The following C1QTNF6 variants were observed in gnomAD, a reference collection of about 807,000 sequenced individuals.
C1QTNF6 encodes complement C1q tumor necrosis factor-related protein 6.
In C1QTNF6, 17 loss-of-function variants were observed where a neutral mutation model predicts 20.7. The ratio of observed to expected loss-of-function variants is 0.82; its 90% confidence interval spans 0.56 to 1.23. The LOEUF (loss-of-function observed/expected upper bound fraction) is 1.23. C1QTNF6 is among the 50% of genes most tolerant of loss of function. The pLI, the probability that C1QTNF6 is intolerant of heterozygous loss-of-function variation, is 0.00. For missense variants in C1QTNF6, 329 were observed against 389.7 expected, an observed-to-expected ratio of 0.84 and a Z score of 1.31; for synonymous variants, 130 against 156.3, an observed-to-expected ratio of 0.83 and a Z score of 1.25.
rs1275715788 is a variant in C1QTNF6, at chr22:37,188,210, G to A, written c.4C>T (p.Gln2Ter). Residue 2 changes from glutamine (Q) to a stop codon, truncating the protein, a stop_gained, in exon 1 of 3, where the codon CAG (glutamine) becomes TAG (stop). Coordinates refer to ENST00000337843, the MANE Select transcript of C1QTNF6 (RefSeq NM_031910.4). LOFTEE classifies it high-confidence loss of function. M[Q>*]WLRVRESPGE... ...GGCGACTCACGGACCCTGAGCCACT[G>A]CATGGCCTCTGGCTCCTTGGCCCAT... The A allele has an allele frequency of 6.2e-7, 1 of 1,607,894 alleles. No individual in the cohort carries two copies. Among genetic ancestry groups the A allele is most frequent in the Non-Finnish European group, 8.5e-7 (1 of 1,177,028 alleles).
chr22:37,188,437 C>T, upstream of C1QTNF6: 1 of 455,902 alleles, frequency 2.2e-6, no homozygotes, highest in Non-Finnish European at 3.9e-6. Flanking sequence ...CTTTGCTTAA[C>T]TCTTTGGTGA....
In C1QTNF6 at chr22:37,185,017, G is replaced by A. The variant is rs372889687; in HGVS notation, c.289+201C>T. ...CACAGCCCATCTCCCCACCGAGAAC[G>A]GGTGCTCAGGCAGGAGGCATCTTGG... is the stretch of plus-strand genomic sequence containing the variant. On this transcript the variant is annotated intron_variant, in intron 2 of 2. Transcript: ENST00000337843. Among the ~76,000 whole-genome samples, 217 of 152,198 alleles carry A rather than the reference G, an allele frequency of 1.4e-3. 1 individual carries two copies. The highest frequency in any genetic ancestry group is 8.1e-4 in the Non-Finnish European group (55 of 68,006).
rs775824028 is a variant in C1QTNF6 at position 37,186,823 on chromosome 22, TA to T, written c.51+1339del. On this transcript the variant is annotated intron_variant, in intron 1 of 2. Coordinates refer to ENST00000337843, the MANE Select transcript of C1QTNF6 (RefSeq NM_031910.4). ...TTTAACATTTAGTAGAATTCAAAAA[TA>T]TTTTTTTTGTGGTTAATACATGTAG... 1.9e-4 allele frequency among the ~76,000 whole-genome samples: 29 copies of T among 152,344 alleles called. 1 individual carries two copies. The East Asian group carries it at 2.9e-3, about 15-fold the overall frequency.
chr22:37,194,544 G>A (rs536858485), intron 2 of C1QTNF6, among the ~76,000 whole-genome samples: 1 of 152,274 alleles, frequency 6.6e-6, no homozygotes, highest in African/African-American at 2.4e-5. Flanking sequence ...CCTGCTTACT[G>A]TGCCATTGCT....
At chr22:37,194,004 C>A (rs539203620) in intron 2 of C1QTNF6, among the ~76,000 whole-genome samples, 25 of 152,282 alleles carry the variant, frequency 1.6e-4, no homozygotes, top group Admixed American at 5.2e-4. Flanking sequence ...CAATTTCAAG[C>A]GTGCAAAGGC....
chr22:37,184,587 C>G lies in C1QTNF6; in HGVS notation c.289+631G>C. On this transcript the variant is annotated intron_variant, in intron 2 of 2. Transcript: ENST00000337843. The surrounding 1 kb of genome is among the most constrained non-coding windows in gnomAD (Gnocchi z 4.0). ...GACAGGCCCCACAGGGCTGCATGCT[C>G]CGACCCTCGGCCCCCGCTGGTTGCT... The G allele has an allele frequency of 6.2e-6, 4 of 648,720 alleles. No individual in the cohort carries two copies. Among genetic ancestry groups the G allele is most frequent in the South Asian group, 3.4e-5 (2 of 58,806 alleles). 40.2% of individuals were successfully genotyped at this position (648,720 alleles called of 1,614,324 possible). A position where few individuals can be genotyped will look rare whatever the true frequency, so the allele number is the denominator to read the frequency against.
chr22:37,197,735 G>C (rs975906100), exon 1 of C1QTNF6: 1 of 152,250 alleles, frequency 6.6e-6, no homozygotes, highest in Non-Finnish European at 1.5e-5. Flanking sequence ...TTACACTTCA[G>C]TATTTTCCCT....
At chr22:37,183,450 T>C (rs1923981206) in intron 2 of C1QTNF6, among the ~76,000 whole-genome samples, 1 of 152,224 alleles carries the variant, frequency 6.6e-6, no homozygotes, top group South Asian at 2.1e-4. Context: ...TGGCAGCATC[T>C]ACAATGGCCC....
At chr22:37,198,039 TA>T (rs1925254996), upstream of C1QTNF6, 1 of 152,242 alleles carries the variant, frequency 6.6e-6, no homozygotes, top group African/African-American at 2.4e-5. Context: ...CACCCATCAG[TA>T]AAGCTGTGTG....
upstream of C1QTNF6, chr22:37,188,329 C>G: frequency 4.8e-6 from 3 of 625,706 alleles, no homozygotes; most frequent in Admixed American, 3.6e-5. Flanking sequence ...GGAGGGAGGG[C>G]GGAGGGAGAG....
chr22:37,190,170 C>T (rs751613303), upstream of C1QTNF6, among the ~76,000 whole-genome samples: 3 of 152,160 alleles, frequency 2.0e-5, no homozygotes, highest in Non-Finnish European at 4.4e-5. Context: ...TTTTTTGAAA[C>T]ACCGTTTTTC....
intron 2 of C1QTNF6, among the ~76,000 whole-genome samples, chr22:37,194,925 G>A (rs1423118911): frequency 6.6e-6 from 1 of 152,238 alleles, no homozygotes. Flanking sequence ...GGGTGGAGAA[G>A]CTGAGGAGCT....
At position 37,185,313 on chromosome 22, in the gene C1QTNF6, G is replaced by A. The variant is rs144605871; in HGVS notation, c.194C>T (p.Pro65Leu). The change falls in exon 2 of 3, where the codon CCC (proline) becomes CTC (leucine). Residue 65 changes from proline (P) to leucine (L), a missense_variant. Coordinates refer to ENST00000337843, the MANE Select transcript of C1QTNF6 (RefSeq NM_031910.4). ...GCQRCCDSEDPLDPAHVSSAS... is the reference protein window; with the variant it reads ...GCQRCCDSEDLLDPAHVSSAS... ...TGAGGATACATGGGCAGGATCCAGG[G>A]GGTCCTCAGAGTCACAGCACCGTTG... The A allele has an allele frequency of 5.0e-6, 8 of 1,613,380 alleles. No homozygotes were observed. In the South Asian group the frequency reaches 6.6e-5, roughly 13 times the overall value.
chr22:37,188,172 T>G lies in C1QTNF6; in HGVS notation c.42A>C (p.Thr14=), dbSNP rs1924544350. 1.9e-6 allele frequency: 3 copies of G among 1,610,102 alleles called. No individual in the cohort carries two copies. The highest frequency in any genetic ancestry group is 3.4e-5 in the Admixed American group (2 of 59,626). The change falls in exon 1 of 3, where the codon ACA becomes ACC. Residue 14 remains threonine (T), a synonymous_variant. Transcript: ENST00000337843. ...LRVRESPGEA[T]GHRVTMGTAA... is the part of the protein sequence containing the mutation. The stretch of plus-strand genomic sequence containing the variant: ...GCCTCTGGTCACTCACCCTGTGTCC[T>G]GTGGCCTCCCCAGGCGACTCACGGA...
rs1924108624 is a variant in C1QTNF6, at chr22:37,184,516, G to C, written c.289+702C>G. The C allele has an allele frequency of 4.2e-6, 3 of 710,692 alleles. No homozygotes were observed. Among genetic ancestry groups the C allele is most frequent in the South Asian group, 3.0e-5 (2 of 67,066 alleles). The allele number at this position is 710,692 out of a possible 1,614,324, so 44.0% of individuals were successfully genotyped here. On this transcript the variant is annotated intron_variant, in intron 2 of 2. Transcript: ENST00000337843. This position sits in a 1 kb window ranked among gnomAD's most constrained non-coding sequence, Gnocchi z 4.0. ...CTTTCACCTGGACGGGCCCTCACCT[G>C]GACAGCCCTCACCTGGACAGCCCTC...
intron 2 of C1QTNF6, 87 bp from the exon 3 acceptor site, chr22:37,182,822 CCT>C: frequency 6.8e-7 from 1 of 1,463,466 alleles, no homozygotes; most frequent in Non-Finnish European, 9.0e-7. Flanking sequence ...CGGCTCTGCC[CCT>C]GTCCTGGCCC....
chr22:37,188,276 C>A, upstream of C1QTNF6: 1 of 1,422,852 alleles, frequency 7.0e-7, no homozygotes, highest in Admixed American at 1.9e-5. Flanking sequence ...ACCCCCAGGC[C>A]CAGCAGAGGA....
At position 37,184,506 on chromosome 22, in the gene C1QTNF6, G is replaced by GCCCTCACCTGGACAC; in HGVS notation, c.289+711_289+712insGTGTCCAGGTGAGGG. Reference sequence around the variant, plus strand: ...ACCTGGATGCCTTTCACCTGGACGGGCCCTCACCTGGACAGCCCTCACCTG... The same window carrying GCCCTCACCTGGACAC: ...ACCTGGATGCCTTTCACCTGGACGGGCCCTCACCTGGACACCCCTCACCTGGACAGCCCTCACCTG... On this transcript the variant is annotated intron_variant, in intron 2 of 2. Coordinates refer to ENST00000337843, the MANE Select transcript of C1QTNF6 (RefSeq NM_031910.4). This position sits in a 1 kb window ranked among gnomAD's most constrained non-coding sequence, Gnocchi z 4.0. The GCCCTCACCTGGACAC allele has an allele frequency of 1.5e-6, 1 of 680,194 alleles. No homozygotes were observed. The highest frequency in any genetic ancestry group is 1.5e-5 in the South Asian group (1 of 65,712). 42.1% of individuals were successfully genotyped at this position (680,194 alleles called of 1,614,324 possible). A position where few individuals can be genotyped will look rare whatever the true frequency, so the allele number is the denominator to read the frequency against.
At chr22:37,193,963 G>A (rs960420918) in intron 2 of C1QTNF6, among the ~76,000 whole-genome samples, 2 of 152,234 alleles carry the variant, frequency 1.3e-5, no homozygotes, top group African/African-American at 2.4e-5. Context: ...GACAGTTTCT[G>A]TTTTCCTTCC....
Sources: allele counts gnomAD v4.1 joint callset (sites outside exome capture counted in the v4.1 genomes callset), GRCh38; gene constraint gnomAD v4.1.1; non-coding constraint Gnocchi (gnomAD v3.1); transcripts MANE v1.5; gene names NCBI Gene and HGNC (gene_info 2026-07-23, HGNC 2026-07-21).